The following B3GLCT variants were observed in gnomAD, a reference collection of about 807,000 sequenced individuals.
B3GLCT encodes the protein beta 3-glucosyltransferase.
In B3GLCT, 65 loss-of-function variants were observed where a neutral mutation model predicts 63.4. That is an observed-to-expected ratio of 1.03 (90% CI 0.84 to 1.26). The LOEUF (loss-of-function observed/expected upper bound fraction) is 1.26, where lower values mean the gene tolerates loss of function less well. Among genes scored for constraint, B3GLCT ranks in the 50% most tolerant of loss-of-function variants. The pLI is 0.00. For synonymous variants in B3GLCT, 233 were observed against 219.2 expected (o/e 1.06, Z -0.55); for missense variants, 577 against 604.8 (o/e 0.95, Z 0.48).
chr13:31,268,981 T>C (rs1432780853), intron 7 of B3GLCT, among the ~76,000 whole-genome samples: 1 of 152,232 alleles, frequency 6.6e-6, no homozygotes, highest in Non-Finnish European at 1.5e-5. Context: ...TGTACGTTGT[T>C]TGGCAGATGT....
chr13:31,320,800 C>T (rs1389039365), intron 13 of B3GLCT, among the ~76,000 whole-genome samples: 2 of 152,066 alleles, frequency 1.3e-5, no homozygotes, highest in African/African-American at 2.4e-5. Flanking sequence ...TTTTTTTCCT[C>T]TCCTCCCAAG....
intron 6 of B3GLCT, among the ~76,000 whole-genome samples, chr13:31,253,618 A>AAAAACAAAC (rs1555249042): frequency 0.015 from 1,221 of 82,280 alleles, 220 homozygotes; most frequent in Middle Eastern, 0.036. Flanking sequence ...AAAAAAAAAA[A>AAAAACAAAC]AAACTAGAGA....
intron 1 of B3GLCT, among the ~76,000 whole-genome samples, chr13:31,214,811 T>G (rs1488893556): frequency 1.3e-5 from 2 of 152,382 alleles, no homozygotes; most frequent in African/African-American, 4.8e-5. Flanking sequence ...TGAATTTGTC[T>G]GATGTACTGT....
chr13:31,327,855 G>C (rs987728484), intron 14 of B3GLCT, among the ~76,000 whole-genome samples: 24 of 152,114 alleles, frequency 1.6e-4, no homozygotes, highest in African/African-American at 4.1e-4. Flanking sequence ...CTTAAAAATA[G>C]CAATTGTGAA....
chr13:31,200,553 G>A (rs1868600158), intron 1 of B3GLCT, among the ~76,000 whole-genome samples: 2 of 150,816 alleles, frequency 1.3e-5, no homozygotes, highest in Admixed American at 1.3e-4. Context: ...TGGCGGCGGC[G>A]GCGGTCCCGC....
chr13:31,255,153 C>A (rs1054094462), intron 6 of B3GLCT, among the ~76,000 whole-genome samples: 5 of 152,006 alleles, frequency 3.3e-5, no homozygotes, highest in African/African-American at 1.2e-4. Flanking sequence ...CGTTCCTATA[C>A]ACCAATAACA....
chr13:31,276,642 G>A (rs993550796), intron 9 of B3GLCT, 60 bp from the exon 10 acceptor site: 1 of 1,015,926 alleles, frequency 9.8e-7, no homozygotes, highest in Non-Finnish European at 1.6e-6. Context: ...GAGATCTAGT[G>A]TGGGTGTGAA....
chr13:31,295,208 C>T (rs554611020), intron 12 of B3GLCT, among the ~76,000 whole-genome samples: 28 of 152,286 alleles, frequency 1.8e-4, no homozygotes, highest in Middle Eastern at 3.4e-3. Flanking sequence ...GACGGGCACG[C>T]GCCAGATGTC....
intron 2 of B3GLCT, among the ~76,000 whole-genome samples, chr13:31,219,223 G>A (rs1342657970): frequency 6.6e-6 from 1 of 152,112 alleles, no homozygotes; most frequent in Admixed American, 6.5e-5. Flanking sequence ...ACCAAATTCA[G>A]CAGCACATCA....
chr13:31,300,141 G>A (rs767288141), intron 12 of B3GLCT, among the ~76,000 whole-genome samples: 1 of 152,166 alleles, frequency 6.6e-6, no homozygotes, highest in Admixed American at 6.5e-5. Flanking sequence ...TCAGTCAAGA[G>A]CTGCTTACAG....
chr13:31,257,468 A>C (rs1871799386), intron 6 of B3GLCT, among the ~76,000 whole-genome samples: 1 of 152,024 alleles, frequency 6.6e-6, no homozygotes, highest in African/African-American at 2.4e-5. Flanking sequence ...ATATACCCAT[A>C]GGCAAAGTAT....
chr13:31,318,840 T>C (rs893565786), intron 13 of B3GLCT, among the ~76,000 whole-genome samples: 1 of 152,228 alleles, frequency 6.6e-6, no homozygotes, highest in Non-Finnish European at 1.5e-5. Context: ...TTATATACTT[T>C]ATAGCATGAT....
At chr13:31,206,028 A>C (rs1868931969) in intron 1 of B3GLCT, among the ~76,000 whole-genome samples, 1 of 152,250 alleles carries the variant, frequency 6.6e-6, no homozygotes, top group Non-Finnish European at 1.5e-5. Context: ...TTCCCGTAAG[A>C]AACTCAAGGC....
intron 12 of B3GLCT, among the ~76,000 whole-genome samples, chr13:31,299,342 A>T (rs1176726009): frequency 6.6e-6 from 1 of 152,176 alleles, no homozygotes; most frequent in Non-Finnish European, 1.5e-5. Context: ...CTTGGTCTGA[A>T]GAAATGACGA....
intron 4 of B3GLCT, among the ~76,000 whole-genome samples, chr13:31,244,257 C>G (rs990170646): frequency 6.6e-6 from 1 of 152,082 alleles, no homozygotes; most frequent in African/African-American, 2.4e-5. Context: ...TTTGGGAGGC[C>G]GAGGCGGGTG....
At position 31,251,447 on chromosome 13, in the gene B3GLCT, T is replaced by C. The variant is rs146603125; in HGVS notation, c.459+3481T>C. On this transcript the variant is annotated intron_variant, in intron 6 of 14. Transcript: ENST00000343307. ...GCTAAAGGAGCATGTTCTAACCCAG[T>C]GCAAGGAAGCTAAGAACCTTGAAAA... 1.2e-3 allele frequency among the ~76,000 whole-genome samples: 187 copies of C among 152,286 alleles called. 1 individual carries two copies. Among genetic ancestry groups the C allele is most frequent in the African/African-American group, 4.4e-3 (182 of 41,562 alleles).
chr13:31,280,929 T>G (rs1348761666), intron 10 of B3GLCT, among the ~76,000 whole-genome samples: 2 of 152,178 alleles, frequency 1.3e-5, no homozygotes, highest in African/African-American at 4.8e-5. Flanking sequence ...TTACATAAGG[T>G]GATGAATTGG....
intron 3 of B3GLCT, among the ~76,000 whole-genome samples, chr13:31,228,482 C>T (rs1870212980): frequency 6.6e-6 from 1 of 152,170 alleles, no homozygotes; most frequent in Non-Finnish European, 1.5e-5. Context: ...AGTCTGACAT[C>T]AAGGTGTGGG....
At chr13:31,314,758 T>C (rs1874904931) in intron 12 of B3GLCT, among the ~76,000 whole-genome samples, 1 of 152,114 alleles carries the variant, frequency 6.6e-6, no homozygotes, top group African/African-American at 2.4e-5. Flanking sequence ...GAGGACATGA[T>C]ATTTGAGAGG....
Sources: allele counts gnomAD v4.1 joint callset (sites outside exome capture counted in the v4.1 genomes callset), GRCh38; gene constraint gnomAD v4.1.1; transcripts MANE v1.5; gene names NCBI Gene and HGNC (gene_info 2026-07-23, HGNC 2026-07-21).